Variants in PLXNC1 observed in about 807,000 individuals in gnomAD.
PLXNC1 encodes the protein plexin-C1.
Under a neutral mutation model 178.2 loss-of-function variants are expected in PLXNC1, and 75 were observed. The ratio of observed to expected loss-of-function variants is 0.42; its 90% CI spans 0.35 to 0.51. PLXNC1 has a LOEUF of 0.51. Ranked by LOEUF, PLXNC1 falls within the 20% of genes least tolerant of loss-of-function variation. The pLI is 0.02. For synonymous variants in PLXNC1, 790 were observed against 779.9 expected (o/e 1.01, Z -0.22); for missense variants, 1,503 against 1,984.4 (o/e 0.76, Z 4.61).
chr12:94,209,911 T>C (rs558459670), intron 5 of PLXNC1, among the ~76,000 whole-genome samples: 40 of 152,282 alleles, frequency 2.6e-4, no homozygotes, highest in African/African-American at 9.6e-4. Context: ...GGTAACCAAG[T>C]CACATCATGG....
chr12:94,206,783 C>T (rs1963314370), intron 4 of PLXNC1, among the ~76,000 whole-genome samples: 1 of 152,120 alleles, frequency 6.6e-6, no homozygotes, highest in South Asian at 2.1e-4. Context: ...CTATTCTTGG[C>T]CTGAAGAAAT....
At position 94,301,049 on chromosome 12, in the gene PLXNC1, C is replaced by A. The variant is rs750007915; in HGVS notation, c.4378C>A (p.Leu1460Ile). 3.7e-6 allele frequency: 6 copies of A among 1,613,526 alleles called. No homozygotes were observed. The highest frequency in any genetic ancestry group is 5.1e-6 in the Non-Finnish European group (6 of 1,179,690). The change falls in exon 28 of 31, where the codon CTA (leucine) becomes ATA (isoleucine). Residue 1460 changes from leucine (L) to isoleucine (I), a missense_variant. Physicochemically the swap from Leu to Ile is conservative, Grantham distance 5 (BLOSUM62 2). This residue lies in a region of PLXNC1 where 639 missense variants were observed against 979.7 expected (regional missense o/e 0.65). Coordinates refer to ENST00000258526, the MANE Select transcript of PLXNC1 (RefSeq NM_005761.3). ...TGCATTTTCTCTCACAGAGCAGCAA[C>A]TAGGGAAGGTAAGGCCCAGCTTGAG... ...MDAFSLTEQQ[L>I]GKEAPTNKLL...
chr12:94,262,150 CAG>C (rs954423340), intron 20 of PLXNC1, among the ~76,000 whole-genome samples: 9 of 152,190 alleles, frequency 5.9e-5, no homozygotes, highest in African/African-American at 2.2e-4. Flanking sequence ...CTCACTGGAT[CAG>C]AAGCTCCGGA....
intron 6 of PLXNC1, among the ~76,000 whole-genome samples, chr12:94,220,715 T>C (rs1398750545): frequency 6.6e-6 from 1 of 152,184 alleles, no homozygotes; most frequent in Non-Finnish European, 1.5e-5. Flanking sequence ...GAACATAGAG[T>C]ACCATGAGAA....
chr12:94,162,531 G>T (rs904828841), intron 1 of PLXNC1, among the ~76,000 whole-genome samples: 1 of 152,146 alleles, frequency 6.6e-6, no homozygotes, highest in African/African-American at 2.4e-5. Context: ...TGTTTTAAAA[G>T]ATCACTTTGG....
rs537586178 is a variant in PLXNC1, at chr12:94,228,756, A to G, written c.1980+1521A>G. ...ATTCCCTTCTTTTCTAAGGTTGACT[A>G]ATATTCCAGTGTATGTATATACCAT... On this transcript the variant is annotated intron_variant, in intron 9 of 30. Coordinates refer to ENST00000258526, the MANE Select transcript of PLXNC1 (RefSeq NM_005761.3). Among the ~76,000 whole-genome samples the G allele has an allele frequency of 6.6e-5, 10 of 152,296 alleles. No individual in the cohort carries two copies. The East Asian group carries it at 1.9e-3, about 29-fold the overall frequency.
Position 94,149,847 on chromosome 12 carries a change from C to T in PLXNC1, c.876C>T (p.Arg292=), listed in dbSNP as rs1252497392. 1 of 1,587,950 alleles carries T rather than the reference C, an allele frequency of 6.3e-7. No homozygotes were observed. The highest frequency in any genetic ancestry group is 8.6e-7 in the Non-Finnish European group (1 of 1,167,994). ...GCCACGGCCACCCCGACGGCCGCCG[C>T]CTGCTCCTCTCCTCCAGCCTAGTGG... is the stretch of plus-strand genomic sequence containing the variant. The part of the protein sequence containing the change: ...DCGHGHPDGR[R]LLLSSSLVEA... Residue 292 remains arginine (R), a synonymous_variant, in exon 1 of 31, where the codon CGC becomes CGT. Coordinates refer to ENST00000258526, the MANE Select transcript of PLXNC1 (RefSeq NM_005761.3).
chr12:94,203,918 C>T (rs1461937365), intron 4 of PLXNC1, among the ~76,000 whole-genome samples: 2 of 152,170 alleles, frequency 1.3e-5, no homozygotes, highest in Non-Finnish European at 2.9e-5. Context: ...TGGATTAATG[C>T]CAATCATAGA....
At chr12:94,253,211 GAAAAAAAAAAAAA>G (rs35584186) in intron 15 of PLXNC1, among the ~76,000 whole-genome samples, 1 of 42,018 alleles carries the variant, frequency 2.4e-5, no homozygotes, top group Admixed American at 3.8e-4. Context: ...CTCCGTCTCA[GAAAAAAAAAAAAA>G]AAAAAAAAAA....
chr12:94,160,273 C>T (rs1276866895), intron 1 of PLXNC1, among the ~76,000 whole-genome samples: 3 of 151,994 alleles, frequency 2.0e-5, no homozygotes, highest in African/African-American at 7.3e-5. Context: ...GTTTCTAGAA[C>T]TGGAAAAAAG....
intron 24 of PLXNC1, among the ~76,000 whole-genome samples, chr12:94,295,190 T>TCA (rs1237356374): frequency 6.6e-6 from 1 of 152,212 alleles, no homozygotes; most frequent in Non-Finnish European, 1.5e-5. Flanking sequence ...CAGGCTCCTT[T>TCA]CACACACACA....
In PLXNC1 at chr12:94,275,622, G is replaced by A. The variant is rs1305061600; in HGVS notation, c.3598-3850G>A. Among the ~76,000 whole-genome samples, 2 of 86,300 alleles carry A rather than the reference G, an allele frequency of 2.3e-5. 1 individual carries two copies. The highest frequency in any genetic ancestry group is 6.5e-4 in the East Asian group (2 of 3,056). 56.6% of individuals were successfully genotyped at this position (86,300 alleles called of 152,430 possible). ...TAATCCCAGCACTTTGGGAGGCCGA[G>A]GCGGGCGGATCACGAGGTCAGGAGA... On this transcript the variant is annotated intron_variant, in intron 21 of 30. Coordinates refer to ENST00000258526, the MANE Select transcript of PLXNC1 (RefSeq NM_005761.3).
Position 94,306,143 on chromosome 12 carries a change from G to GTAAC in PLXNC1, c.*860_*863dup, listed in dbSNP as rs1169295131. On this transcript the variant is annotated 3_prime_UTR_variant, in exon 31 of 31. Transcript: ENST00000258526. The stretch of plus-strand genomic sequence containing the variant: ...TTTGATCAGAACGATCTGTGGAAGA[G>GTAAC]TAACTCCATTTCTATATGAGTGAGT... 6.6e-6 allele frequency: 1 copy of GTAAC among 151,970 alleles called. No individual in the cohort carries two copies. Among genetic ancestry groups the GTAAC allele is most frequent in the East Asian group, 1.9e-4 (1 of 5,196 alleles). 9.4% of individuals were successfully genotyped at this position (151,970 alleles called of 1,614,324 possible).
chr12:94,232,411 A>G (rs1170780856), intron 9 of PLXNC1, among the ~76,000 whole-genome samples: 2 of 152,066 alleles, frequency 1.3e-5, no homozygotes, highest in Non-Finnish European at 2.9e-5. Context: ...TTGAATATGC[A>G]TTTTTGATCT....
chr12:94,231,645 A>C (rs1964107112), intron 9 of PLXNC1, among the ~76,000 whole-genome samples: 1 of 152,150 alleles, frequency 6.6e-6, no homozygotes, highest in East Asian at 1.9e-4. Flanking sequence ...GTCATCTGCC[A>C]AGGGGGCTGA....
intron 23 of PLXNC1, among the ~76,000 whole-genome samples, chr12:94,293,971 C>T (rs1453454528): frequency 2.6e-5 from 4 of 152,094 alleles, no homozygotes; most frequent in African/African-American, 9.7e-5. Flanking sequence ...GCTCCAACCT[C>T]ATGACTTAGT....
intron 21 of PLXNC1, among the ~76,000 whole-genome samples, chr12:94,273,937 C>T (rs1726913): frequency 3.3e-5 from 5 of 152,112 alleles, no homozygotes; most frequent in South Asian, 2.1e-4. Flanking sequence ...CAGAGCTCTG[C>T]GTCACCATCT....
intron 1 of PLXNC1, among the ~76,000 whole-genome samples, chr12:94,159,082 C>T (rs750451248): frequency 1.1e-4 from 17 of 152,268 alleles, no homozygotes; most frequent in Non-Finnish European, 2.1e-4. Context: ...ATCATTTGTT[C>T]GAATACTTTC....
intron 1 of PLXNC1, among the ~76,000 whole-genome samples, chr12:94,152,496 G>T (rs1960996989): frequency 6.6e-6 from 1 of 152,216 alleles, no homozygotes; most frequent in African/African-American, 2.4e-5. Flanking sequence ...TCAGAAGAAT[G>T]ATGTCATTTG....
Sources: allele counts gnomAD v4.1 joint callset (sites outside exome capture counted in the v4.1 genomes callset), GRCh38; gene constraint gnomAD v4.1.1; regional missense constraint gnomAD v4.1.1; transcripts MANE v1.5; gene names NCBI Gene and HGNC (gene_info 2026-07-23, HGNC 2026-07-21).